The following GRB14 variants were observed in gnomAD, a reference collection of about 807,000 sequenced individuals.
GRB14 encodes the protein growth factor receptor bound protein 14.
Under a neutral mutation model 69.1 loss-of-function variants are expected in GRB14, and 38 were observed. The observed-to-expected ratio is 0.55, with a 90% CI of 0.42 to 0.72. The LOEUF (loss-of-function observed/expected upper bound fraction) is 0.72, where lower values mean the gene tolerates loss of function less well. Ranked by LOEUF, GRB14 falls within the 30% of genes least tolerant of loss-of-function variation. GRB14 has a pLI of 0.00. For synonymous variants in GRB14, 247 were observed against 241.3 expected, an observed-to-expected ratio of 1.02 and a Z score of -0.22; for missense variants, 666 against 666.1, an observed-to-expected ratio of 1.00 and a Z score of 0.00.
At chr2:164,597,357 A>G (rs529196814) in intron 2 of GRB14, among the ~76,000 whole-genome samples, 5 of 152,322 alleles carry the variant, frequency 3.3e-5, no homozygotes, top group Admixed American at 2.0e-4. Context: ...TATAATATTT[A>G]ATTTGCACAA....
chr2:164,585,409 TTTGA>T (rs1689515941), intron 2 of GRB14, among the ~76,000 whole-genome samples: 1 of 152,178 alleles, frequency 6.6e-6, no homozygotes, highest in Admixed American at 6.6e-5. Context: ...CAGCATTATA[TTTGA>T]TTTTCATTTT....
At chr2:164,529,612 C>A (rs1337262620) in intron 3 of GRB14, among the ~76,000 whole-genome samples, 1 of 152,136 alleles carries the variant, frequency 6.6e-6, no homozygotes, top group Non-Finnish European at 1.5e-5. Context: ...TCTCAGATAG[C>A]AGGGATTCTT....
At chr2:164,529,358 A>G (rs1261689527) in intron 3 of GRB14, among the ~76,000 whole-genome samples, 1 of 152,200 alleles carries the variant, frequency 6.6e-6, no homozygotes, top group African/African-American at 2.4e-5. Context: ...GTTGCACAAC[A>G]ATGTGAATTC....
chr2:164,502,481 C>T, intron 8 of GRB14, 146 bp from the exon 9 acceptor site: 1 of 558,912 alleles, frequency 1.8e-6, no homozygotes, highest in South Asian at 2.5e-5. Flanking sequence ...GAAAGATGAA[C>T]TTTTAGTGCC....
At position 164,619,743 on chromosome 2, in the gene GRB14, A is replaced by T. The variant is rs61748245; in HGVS notation, c.268T>A (p.Phe90Ile). The T allele has an allele frequency of 0.63, 1,017,779 of 1,604,218 alleles. 333,828 individuals are homozygous for T. The highest frequency in any genetic ancestry group is 0.76 in the Admixed American group (44,351 of 58,314). The change falls in exon 2 of 14, where the codon TTT becomes ATT. Residue 90 changes from phenylalanine to isoleucine, a missense_variant. Physicochemically the swap from Phe to Ile is conservative, Grantham distance 21. Transcript: ENST00000263915. ...NPFPELCCSP[F>I]TSVLSADLFP... is the part of the protein sequence containing the mutation. ...AGGTCTGCTGACAACACAGATGTAAATGGAGAACAGCATAGCTCAGGAAAA... is the reference window on the plus strand; with the variant it reads ...AGGTCTGCTGACAACACAGATGTAATTGGAGAACAGCATAGCTCAGGAAAA...
chr2:164,537,339 G>A (rs1199689876), intron 3 of GRB14, among the ~76,000 whole-genome samples: 1 of 152,144 alleles, frequency 6.6e-6, no homozygotes, highest in African/African-American at 2.4e-5. Flanking sequence ...ATAGCAGTTA[G>A]CCAAGTAAAG....
At chr2:164,549,335 T>C (rs1487267229) in intron 2 of GRB14, among the ~76,000 whole-genome samples, 1 of 152,204 alleles carries the variant, frequency 6.6e-6, no homozygotes, top group Non-Finnish European at 1.5e-5. Context: ...TTTATTAAAA[T>C]ATCATTCTGG....
intron 4 of GRB14, among the ~76,000 whole-genome samples, chr2:164,525,579 T>C (rs1687749883): frequency 2.0e-5 from 3 of 152,038 alleles, no homozygotes; most frequent in Non-Finnish European, 2.9e-5. Flanking sequence ...AATCATAAAA[T>C]TCACCCAGGG....
At chr2:164,536,923 C>T (rs1044135359) in intron 3 of GRB14, among the ~76,000 whole-genome samples, 3 of 152,168 alleles carry the variant, frequency 2.0e-5, no homozygotes, top group South Asian at 4.1e-4. Context: ...ATCACTAACA[C>T]TCTTAGTGCC....
chr2:164,587,935 A>G (rs1291538108), intron 2 of GRB14, among the ~76,000 whole-genome samples: 1 of 152,184 alleles, frequency 6.6e-6, no homozygotes. Context: ...TTTCAAAGGC[A>G]GTGTTTGCCA....
intron 2 of GRB14, among the ~76,000 whole-genome samples, chr2:164,594,705 T>C (rs551297960): frequency 6.6e-6 from 1 of 152,342 alleles, no homozygotes; most frequent in African/African-American, 2.4e-5. Context: ...CATTTCTTCC[T>C]AAACCTCTTC....
chr2:164,513,685 C>A (rs1317186426), intron 6 of GRB14, among the ~76,000 whole-genome samples: 5 of 152,130 alleles, frequency 3.3e-5, no homozygotes, highest in Non-Finnish European at 7.4e-5. Context: ...CAAGATTTAG[C>A]AGACTATATT....
chr2:164,618,270 G>A (rs529328593), intron 2 of GRB14, among the ~76,000 whole-genome samples: 60 of 149,730 alleles, frequency 4.0e-4, no homozygotes, highest in African/African-American at 1.3e-3. Flanking sequence ...CACCGCACCC[G>A]GCCTCTTTTT....
intron 3 of GRB14, among the ~76,000 whole-genome samples, chr2:164,537,211 T>A (rs935764054): frequency 3.6e-4 from 55 of 152,188 alleles, no homozygotes; most frequent in African/African-American, 1.3e-3. Flanking sequence ...ACGTTACCTA[T>A]CAGTCAGCTT....
intron 2 of GRB14, among the ~76,000 whole-genome samples, chr2:164,572,789 A>G (rs528244222): frequency 1.9e-4 from 29 of 152,284 alleles, no homozygotes; most frequent in African/African-American, 7.0e-4. Flanking sequence ...CTGACTGTAT[A>G]AAGCCCCCAG....
chr2:164,539,213 G>A (rs1223733745), intron 3 of GRB14, among the ~76,000 whole-genome samples: 6 of 152,030 alleles, frequency 3.9e-5, no homozygotes, highest in African/African-American at 4.8e-5. Context: ...GGTGGCTCAC[G>A]CCTGTAATCC....
intron 3 of GRB14, among the ~76,000 whole-genome samples, chr2:164,542,850 A>G (rs1189565230): frequency 2.0e-5 from 3 of 152,238 alleles, no homozygotes; most frequent in Admixed American, 2.0e-4. Context: ...CAAAAAATTT[A>G]AAAAAGAACT....
intron 1 of GRB14, among the ~76,000 whole-genome samples, chr2:164,620,172 A>G (rs1342698641): frequency 6.6e-6 from 1 of 151,810 alleles, no homozygotes; most frequent in East Asian, 1.9e-4. Context: ...AGAAAAATAG[A>G]CTATACAATT....
chr2:164,516,116 G>T (rs1318340898), intron 6 of GRB14, among the ~76,000 whole-genome samples: 3 of 151,956 alleles, frequency 2.0e-5, no homozygotes, highest in Non-Finnish European at 4.4e-5. Flanking sequence ...AGGAAGAAAA[G>T]AAATCTGAAA....
Sources: gnomAD v4.1 joint callset for allele counts (sites outside exome capture counted in the v4.1 genomes callset) on GRCh38, gnomAD v4.1.1 for gene constraint, MANE v1.5 for transcripts, NCBI Gene and HGNC (gene_info 2026-07-23, HGNC 2026-07-21) for gene names.